Variants in COL13A1 observed in about 807,000 individuals in gnomAD.
COL13A1 encodes collagen type XIII alpha 1 chain, also known as collagen alpha-1(XIII) chain.
A neutral mutation model predicts 130.9 loss-of-function variants in COL13A1; 89 were observed. That is an observed-to-expected ratio of 0.68 (90% CI 0.57 to 0.81). The LOEUF is 0.81. Ranked by LOEUF, COL13A1 falls within the 30% of genes least tolerant of loss-of-function variation. The pLI is 0.00. For synonymous variants in COL13A1, 402 were observed against 341.6 expected (o/e 1.18, Z -1.95); for missense variants, 879 against 934.6 (o/e 0.94, Z 0.78).
chr10:69,924,365 A>G (rs2065070789), intron 24 of COL13A1, among the ~76,000 whole-genome samples: 1 of 152,036 alleles, frequency 6.6e-6, no homozygotes, highest in Admixed American at 6.6e-5. Flanking sequence ...GTTTTTCACA[A>G]GTTACACTGC....
intron 3 of COL13A1, among the ~76,000 whole-genome samples, chr10:69,869,153 G>A (rs145756974): frequency 1.3e-5 from 2 of 152,330 alleles, no homozygotes; most frequent in East Asian, 1.9e-4. Flanking sequence ...CATTCTGAGA[G>A]CTTGTGCTGG....
chr10:69,925,592 C>T (rs1442343031), intron 25 of COL13A1, among the ~76,000 whole-genome samples: 1 of 152,198 alleles, frequency 6.6e-6, no homozygotes, highest in African/African-American at 2.4e-5. Flanking sequence ...GTCGGCCTAG[C>T]CCAGACTTCT....
chr10:69,869,685 G>T (rs577979823), intron 3 of COL13A1, among the ~76,000 whole-genome samples: 1 of 152,218 alleles, frequency 6.6e-6, no homozygotes, highest in African/African-American at 2.4e-5. Flanking sequence ...TAATCAATTA[G>T]GAGGCTTTTT....
intron 19 of COL13A1, among the ~76,000 whole-genome samples, chr10:69,918,814 C>A (rs1174163817): frequency 1.3e-5 from 2 of 152,200 alleles, no homozygotes; most frequent in Admixed American, 1.3e-4. Context: ...TCCTCCTGGG[C>A]TGCCTCACTT....
At chr10:69,803,932 G>T (rs1840759193) in intron 1 of COL13A1, among the ~76,000 whole-genome samples, 1 of 152,162 alleles carries the variant, frequency 6.6e-6, no homozygotes, top group African/African-American at 2.4e-5. Flanking sequence ...AGCTGCCCCT[G>T]CCAGGCTGGC....
chr10:69,935,343 CT>C lies in COL13A1; in HGVS notation c.1729-3del. On this transcript the variant is annotated splice_polypyrimidine_tract_variant and splice_region_variant and intron_variant, in intron 31 of 40. Coordinates refer to ENST00000645393, the MANE Select transcript of COL13A1 (RefSeq NM_001368882.1). ...CAAATGTAACAGGGCTCCCCTTTGGCTTTTAGGTTCCTGGGCTGCCAGGGCC... is the reference window on the plus strand; with the variant it reads ...CAAATGTAACAGGGCTCCCCTTTGGCTTTAGGTTCCTGGGCTGCCAGGGCC... 1 of 1,578,374 alleles carries C rather than the reference CT, an allele frequency of 6.3e-7. No homozygotes were observed. Among genetic ancestry groups the C allele is most frequent in the Non-Finnish European group, 8.6e-7 (1 of 1,160,888 alleles).
chr10:69,947,328 G>A lies in COL13A1; in HGVS notation c.2044G>A (p.Asp682Asn). The A allele has an allele frequency of 4.3e-6, 7 of 1,613,026 alleles. No individual in the cohort carries two copies. The highest frequency in any genetic ancestry group is 5.9e-6 in the Non-Finnish European group (7 of 1,179,430). ...GLPGLHGPPG[D>N]KGNRGERGKK... The stretch of plus-strand genomic sequence containing the variant: ...GCAGGGTTTACATGGACCACCCGGG[G>A]ACAAGGGAAACCGGGTGAGTCTGAG... Residue 682 changes from aspartate to asparagine, a missense_variant, in exon 38 of 41, where the codon GAC becomes AAC. Physicochemically the swap from Asp to Asn is conservative, Grantham distance 23. Transcript: ENST00000645393.
At chr10:69,914,500 C>A (rs2063713411) in intron 17 of COL13A1, among the ~76,000 whole-genome samples, 1 of 152,186 alleles carries the variant, frequency 6.6e-6, no homozygotes, top group African/African-American at 2.4e-5. Flanking sequence ...TCTGTGGTCA[C>A]CTGCACTGCC....
rs1380115554 is a variant in COL13A1 at position 69,897,490 on chromosome 10, A to C, written c.685-1207A>C. On this transcript the variant is annotated intron_variant, in intron 13 of 40. Transcript: ENST00000645393. ...CCCAAACTAGGAGTGCCTAAGCAGC[A>C]TGCCAGCAGCTCTGCGCTCCAGCCA... The C allele has an allele frequency of 3.1e-6, 5 of 1,613,922 alleles. No homozygotes were observed. In the Admixed American group the frequency reaches 8.3e-5, roughly 27 times the overall value.
At chr10:69,808,336 C>T (rs1842102174) in intron 1 of COL13A1, among the ~76,000 whole-genome samples, 1 of 152,188 alleles carries the variant, frequency 6.6e-6, no homozygotes, top group Admixed American at 6.5e-5. Flanking sequence ...CTCCTCGAAC[C>T]ACTCCAACCC....
intron 2 of COL13A1, among the ~76,000 whole-genome samples, chr10:69,831,167 C>T (rs748433991): frequency 6.6e-6 from 1 of 152,168 alleles, no homozygotes; most frequent in African/African-American, 2.4e-5. Context: ...TGCCTCTAAA[C>T]CTAATTGGCG....
At position 69,959,068 on chromosome 10, in the gene COL13A1, T is replaced by C; in HGVS notation, c.*367T>C. 9.1e-6 allele frequency: 2 copies of C among 220,456 alleles called. No individual in the cohort carries two copies. Among genetic ancestry groups the C allele is most frequent in the South Asian group, 1.9e-4 (2 of 10,638 alleles). 13.7% of individuals were successfully genotyped at this position (220,456 alleles called of 1,614,324 possible). ...CACATAAATGTAGAGGTCCATGATA[T>C]TTGCTAAGCTAGGTGTGTCTAAGAG... is the stretch of plus-strand genomic sequence containing the variant. On this transcript the variant is annotated 3_prime_UTR_variant, in exon 41 of 41. Transcript: ENST00000645393.
chr10:69,864,308 A>G (rs2133901349), intron 2 of COL13A1, among the ~76,000 whole-genome samples: 1 of 106,896 alleles, frequency 9.4e-6, no homozygotes, highest in Middle Eastern at 4.9e-3. Context: ...ATGAGCACTC[A>G]GTAAATGTCG....
At chr10:69,829,403 C>G (rs1040205767) in intron 2 of COL13A1, 26 of 381,950 alleles carry the variant, frequency 6.8e-5, no homozygotes, top group Non-Finnish European at 9.0e-5. Flanking sequence ...TGACCCCCCT[C>G]GCCATGATCC....
chr10:69,957,180 C>T lies in COL13A1; in HGVS notation c.2184+138C>T, dbSNP rs549358988. ...GTCACTGTCTCAAAGGCAGGGTGCCCATTAAACATCCCATACACTGCATGC... is the reference window on the plus strand; with the variant it reads ...GTCACTGTCTCAAAGGCAGGGTGCCTATTAAACATCCCATACACTGCATGC... On this transcript the variant is annotated intron_variant, in intron 40 of 40. Coordinates refer to ENST00000645393, the MANE Select transcript of COL13A1 (RefSeq NM_001368882.1). 5.6e-6 allele frequency: 4 copies of T among 710,022 alleles called. No homozygotes were observed. In the Admixed American group the frequency reaches 8.6e-5, roughly 15 times the overall value. The allele number at this position is 710,022 out of a possible 1,614,324, so 44.0% of individuals were successfully genotyped here. A position where few individuals can be genotyped will look rare whatever the true frequency, so the allele number is the denominator to read the frequency against.
chr10:69,899,880 A>G (rs1203803447), intron 14 of COL13A1, among the ~76,000 whole-genome samples: 1 of 152,144 alleles, frequency 6.6e-6, no homozygotes. Flanking sequence ...CAGAGCCTCA[A>G]GCAACAATCT....
chr10:69,829,558 T>C (rs1040236777), intron 2 of COL13A1, among the ~76,000 whole-genome samples: 2 of 152,238 alleles, frequency 1.3e-5, no homozygotes, highest in Non-Finnish European at 2.9e-5. Context: ...CCATAAAGCT[T>C]GGACTCTTGG....
At chr10:69,856,141 G>C (rs934053148) in intron 2 of COL13A1, among the ~76,000 whole-genome samples, 1 of 152,220 alleles carries the variant, frequency 6.6e-6, no homozygotes, top group Admixed American at 6.5e-5. Context: ...CTGCAGAGTG[G>C]TTTTTAAGTG....
At chr10:69,859,559 G>A (rs532769202) in intron 2 of COL13A1, among the ~76,000 whole-genome samples, 18 of 152,356 alleles carry the variant, frequency 1.2e-4, no homozygotes, top group East Asian at 1.9e-4. Context: ...GGCGAGATCC[G>A]GTGTCAGGAA....
Sources: allele counts gnomAD v4.1 joint callset (sites outside exome capture counted in the v4.1 genomes callset), GRCh38; gene constraint gnomAD v4.1.1; transcripts MANE v1.5; gene names NCBI Gene and HGNC (gene_info 2026-07-23, HGNC 2026-07-21).